The following ARHGAP35 variants were observed in gnomAD, a reference collection of about 807,000 sequenced individuals.
ARHGAP35 encodes rho GTPase-activating protein 35.
ARHGAP35 carries 15 observed loss-of-function variants against 111.1 expected under a neutral mutation model. The observed-to-expected ratio is 0.13, with a 90% CI of 0.09 to 0.21. The LOEUF is 0.21. ARHGAP35 is among the 10% of genes least tolerant of loss of function. The pLI is 1.00. For missense variants in ARHGAP35, 1,262 were observed against 1,873.0 expected, an observed-to-expected ratio of 0.67 and a Z score of 6.02; for synonymous variants, 643 against 710.3, an observed-to-expected ratio of 0.91 and a Z score of 1.51.
intron 3 of ARHGAP35, among the ~76,000 whole-genome samples, chr19:46,955,590 T>C (rs1022669456): frequency 6.6e-6 from 1 of 152,180 alleles, no homozygotes; most frequent in Non-Finnish European, 1.5e-5. Context: ...TCATACGATG[T>C]TTTTTGTTTT....
At chr19:46,888,154 A>G (rs1389640955) in intron 1 of ARHGAP35, among the ~76,000 whole-genome samples, 3 of 147,474 alleles carry the variant, frequency 2.0e-5, no homozygotes, top group East Asian at 2.0e-4. Context: ...GGGTTTCACC[A>G]TGTTAGCCAG....
intron 1 of ARHGAP35, among the ~76,000 whole-genome samples, chr19:46,866,001 A>G (rs2055854297): frequency 6.6e-6 from 1 of 151,980 alleles, no homozygotes; most frequent in Non-Finnish European, 1.5e-5. Context: ...CCACCACGCC[A>G]GGTTAATTTT....
chr19:46,929,591 C>CTTT (rs55818906), intron 2 of ARHGAP35, among the ~76,000 whole-genome samples: 36 of 93,054 alleles, frequency 3.9e-4, no homozygotes, highest in East Asian at 2.1e-3. Context: ...ACCTGTTACT[C>CTTT]TTTTTTTTTT....
chr19:46,887,953 CT>C (rs775973443), intron 1 of ARHGAP35, among the ~76,000 whole-genome samples: 129 of 137,752 alleles, frequency 9.4e-4, no homozygotes, highest in Non-Finnish European at 1.1e-3. Context: ...AGTACTTTGC[CT>C]TTTTTTTTTT....
In ARHGAP35 at chr19:47,001,056, G is replaced by A. The variant is rs1477575593; in HGVS notation, c.*368G>A. 18 of 1,343,634 alleles carry A rather than the reference G, an allele frequency of 1.3e-5. No individual in the cohort carries two copies. The South Asian group carries it at 1.6e-4, about 12-fold the overall frequency. The allele number at this position is 1,343,634 out of a possible 1,614,324, so 83.2% of individuals were successfully genotyped here. On this transcript the variant is annotated 3_prime_UTR_variant, in exon 7 of 7. Coordinates refer to ENST00000672722, the MANE Select transcript of ARHGAP35 (RefSeq NM_004491.5). The surrounding 1 kb of genome is among the most constrained non-coding windows in gnomAD (Gnocchi z 5.4). ...TCGGGACAGTGCCCTGGCCTTTGCC[G>A]GGGAGGAGGATGCTCTGAGATTCAG...
intron 3 of ARHGAP35, among the ~76,000 whole-genome samples, chr19:46,952,012 G>A (rs908328925): frequency 6.6e-6 from 1 of 152,192 alleles, no homozygotes; most frequent in African/African-American, 2.4e-5. Context: ...TGATAGCCCA[G>A]TAGGATGACT....
At chr19:46,962,914 A>G (rs562113076) in intron 3 of ARHGAP35, among the ~76,000 whole-genome samples, 8 of 152,048 alleles carry the variant, frequency 5.3e-5, no homozygotes, top group Admixed American at 2.0e-4. Flanking sequence ...CCCGGCCTCA[A>G]CCTCTCATTC....
rs1481593826 is a variant in ARHGAP35 at position 46,993,560 on chromosome 19, G to T, written c.4036+3885G>T. Among the ~76,000 whole-genome samples, 1 of 152,188 alleles carries T rather than the reference G, an allele frequency of 6.6e-6. No homozygotes were observed. The highest frequency in any genetic ancestry group is 1.9e-4 in the East Asian group (1 of 5,202). ...TGTAAGAGGTATGGGAAGCTAATCGGTAAGGTCCCTGTGCCCTCTGTCTGT... is the reference window on the plus strand; with the variant it reads ...TGTAAGAGGTATGGGAAGCTAATCGTTAAGGTCCCTGTGCCCTCTGTCTGT... On this transcript the variant is annotated intron_variant, in intron 5 of 6. Coordinates refer to ENST00000672722, the MANE Select transcript of ARHGAP35 (RefSeq NM_004491.5). This position sits in a 1 kb window ranked among gnomAD's most constrained non-coding sequence, Gnocchi z 4.6.
At chr19:46,979,178 C>G (rs2056606490) in intron 3 of ARHGAP35, among the ~76,000 whole-genome samples, 1 of 152,056 alleles carries the variant, frequency 6.6e-6, no homozygotes, top group South Asian at 2.1e-4. Context: ...GGATCTTTAG[C>G]CTGTAAGATC....
chr19:46,956,999 G>A (rs112055438), intron 3 of ARHGAP35, among the ~76,000 whole-genome samples: 33,897 of 131,086 alleles, frequency 0.26, 4,217 homozygotes, highest in Middle Eastern at 0.37. Context: ...TCGCTCTGTC[G>A]CCCAGGGTGG....
intron 1 of ARHGAP35, among the ~76,000 whole-genome samples, chr19:46,912,964 A>G (rs2056146062): frequency 6.6e-6 from 1 of 152,048 alleles, no homozygotes; most frequent in South Asian, 2.1e-4. Flanking sequence ...GTTACGATGT[A>G]TATTTCCATT....
At chr19:46,863,219 A>G (rs2055838361) in intron 1 of ARHGAP35, among the ~76,000 whole-genome samples, 1 of 152,096 alleles carries the variant, frequency 6.6e-6, no homozygotes. Context: ...CTGCAGAGGC[A>G]AAGGGGCTGG....
intron 3 of ARHGAP35, among the ~76,000 whole-genome samples, chr19:46,969,807 C>T (rs764746410): frequency 3.9e-5 from 6 of 152,244 alleles, no homozygotes; most frequent in Middle Eastern, 6.8e-3. Context: ...GGGCTGGATT[C>T]GAGGACTTTG....
rs184035783 is a variant in ARHGAP35 at position 46,986,199 on chromosome 19, A to G, written c.3827-1790A>G. ...CACTGTCCTTTCGACAAAGTCCTTG[A>G]GATCTTGATGGCTCACAGTGGACTT... On this transcript the variant is annotated intron_variant, in intron 3 of 6. Coordinates refer to ENST00000672722, the MANE Select transcript of ARHGAP35 (RefSeq NM_004491.5). The surrounding 1 kb of genome is among the most constrained non-coding windows in gnomAD (Gnocchi z 4.3). Among the ~76,000 whole-genome samples the G allele has an allele frequency of 6.6e-6, 1 of 152,280 alleles. No homozygotes were observed. Among genetic ancestry groups the G allele is most frequent in the African/African-American group, 2.4e-5 (1 of 41,550 alleles).
At chr19:46,959,257 GT>G (rs2056462172) in intron 3 of ARHGAP35, among the ~76,000 whole-genome samples, 1 of 151,936 alleles carries the variant, frequency 6.6e-6, no homozygotes, top group African/African-American at 2.4e-5. Flanking sequence ...GTAGGATGGG[GT>G]TTTGCCATGT....
chr19:46,947,108 G>A (rs1419329394), intron 3 of ARHGAP35: 1 of 152,206 alleles, frequency 6.6e-6, no homozygotes, highest in Non-Finnish European at 1.5e-5. Flanking sequence ...CAAACTTCCA[G>A]ATAACTCTTT....
intron 1 of ARHGAP35, among the ~76,000 whole-genome samples, chr19:46,899,731 A>C (rs574950584): frequency 2.0e-5 from 3 of 152,144 alleles, no homozygotes; most frequent in Non-Finnish European, 2.9e-5. Flanking sequence ...AAAAACAAAA[A>C]AAAAAAGAAG....
chr19:46,900,362 A>T (rs2056078549), intron 1 of ARHGAP35, among the ~76,000 whole-genome samples: 1 of 151,992 alleles, frequency 6.6e-6, no homozygotes, highest in South Asian at 2.1e-4. Context: ...CTGGAATTAC[A>T]GGCATGTGCC....
At chr19:46,985,894 C>A (rs967554634) in intron 3 of ARHGAP35, among the ~76,000 whole-genome samples, 5 of 48 alleles carry the variant, frequency 0.1, no homozygotes, top group African/African-American at 0.25. Context: ...AAGTCTGGGA[C>A]CCCCAGAAAA....
Sources: allele counts gnomAD v4.1 joint callset (sites outside exome capture counted in the v4.1 genomes callset), GRCh38; gene constraint gnomAD v4.1.1; non-coding constraint Gnocchi (gnomAD v3.1); transcripts MANE v1.5; gene names NCBI Gene and HGNC (gene_info 2026-07-23, HGNC 2026-07-21).